CACNA1E: variants seen among roughly 807,000 people sequenced by gnomAD.
CACNA1E encodes calcium voltage-gated channel subunit alpha1 E.
In CACNA1E, 40 loss-of-function variants were observed where a neutral mutation model predicts 259.2. The observed-to-expected ratio is 0.15, with a 90% CI of 0.12 to 0.20. The LOEUF (loss-of-function observed/expected upper bound fraction) is 0.20, where lower values mean the gene tolerates loss of function less well. CACNA1E is among the 10% of genes least tolerant of loss of function. The probability of loss-of-function intolerance (pLI) is 1.00; values close to 1 mark genes in which losing one functional copy is unlikely to be tolerated. For missense variants in CACNA1E, 1,874 were observed against 3,040.1 expected (o/e 0.62, Z 9.02); for synonymous variants, 1,104 against 1,138.5 (o/e 0.97, Z 0.61).
In CACNA1E at chr1:181,758,611, C is replaced by T. The variant is rs187840766; in HGVS notation, c.4495-147C>T. The T allele has an allele frequency of 9.1e-5, 51 of 558,142 alleles. No homozygotes were observed. Among genetic ancestry groups the T allele is most frequent in the African/African-American group, 8.1e-4 (43 of 52,898 alleles). The allele number at this position is 558,142 out of a possible 1,614,324, so 34.6% of individuals were successfully genotyped here. A position where few individuals can be genotyped will look rare whatever the true frequency, so the allele number is the denominator to read the frequency against. ...GGGTAGAATATGTGGTTCTCCTCTC[C>T]AGCACTCGAAGTCCATCTCTCCTCC... On this transcript the variant is annotated intron_variant, in intron 31 of 47. Transcript: ENST00000367573. The surrounding 1 kb of genome is among the most constrained non-coding windows in gnomAD (Gnocchi z 4.2).
intron 6 of CACNA1E, among the ~76,000 whole-genome samples, chr1:181,599,235 G>T (rs544445621): frequency 6.6e-6 from 1 of 152,066 alleles, no homozygotes; most frequent in African/African-American, 2.4e-5. Flanking sequence ...CCGTTCTTGT[G>T]TTAGTTTGCT....
chr1:181,643,253 C>T (rs199956), intron 6 of CACNA1E, among the ~76,000 whole-genome samples: 116,087 of 152,090 alleles, frequency 0.76, 45,356 homozygotes, highest in East Asian at 0.95. Flanking sequence ...TTAGAGGATC[C>T]GGCATCTCCC....
intron 2 of CACNA1E, among the ~76,000 whole-genome samples, chr1:181,416,592 CT>C (rs1389454203): frequency 1.3e-5 from 2 of 152,184 alleles, no homozygotes; most frequent in Admixed American, 6.5e-5. Context: ...CCCCTTCACT[CT>C]CTTATTTCTG....
intron 1 of CACNA1E, among the ~76,000 whole-genome samples, chr1:181,375,447 G>A (rs914647740): frequency 2.0e-5 from 3 of 152,206 alleles, no homozygotes; most frequent in Non-Finnish European, 4.4e-5. Context: ...ATCTGATAGA[G>A]TCTGCTAAGA....
chr1:181,398,424 C>T (rs1458605441), intron 1 of CACNA1E, among the ~76,000 whole-genome samples: 2 of 152,216 alleles, frequency 1.3e-5, no homozygotes, highest in Non-Finnish European at 2.9e-5. Context: ...ATTTAACCCT[C>T]ATAATAAATC....
At chr1:181,464,409 G>A (rs1318479866) in intron 2 of CACNA1E, among the ~76,000 whole-genome samples, 1 of 151,752 alleles carries the variant, frequency 6.6e-6, no homozygotes, top group Non-Finnish European at 1.5e-5. Flanking sequence ...TCCCTCAAGA[G>A]AGTTGAAAAT....
In CACNA1E at chr1:181,381,713, A is replaced by G. The variant is rs147890123; in HGVS notation, c.-14-31420A>G. ...TATATGCTGTACAATACTATAGAAT[A>G]GTTAGTTATTAATTCTATACAAGGA... On this transcript the variant is annotated intron_variant, in intron 1 of 11. Coordinates refer to the CACNA1E transcript ENST00000524607. 4.2e-3 allele frequency among the ~76,000 whole-genome samples: 637 copies of G among 152,336 alleles called. 7 individuals are homozygous for G. Among genetic ancestry groups the G allele is most frequent in the African/African-American group, 0.013 (552 of 41,582 alleles).
chr1:181,646,852 C>A (rs1392985247), intron 6 of CACNA1E, among the ~76,000 whole-genome samples: 8 of 152,240 alleles, frequency 5.3e-5, no homozygotes, highest in African/African-American at 4.8e-5. Context: ...GAGCTCACCA[C>A]CCCCATCAGT....
At chr1:181,669,377 G>A (rs1371647720) in intron 7 of CACNA1E, among the ~76,000 whole-genome samples, 1 of 152,080 alleles carries the variant, frequency 6.6e-6, no homozygotes, top group Non-Finnish European at 1.5e-5. Flanking sequence ...ACTGTTCCCG[G>A]ATTTCCCAGG....
chr1:181,796,617 T>C, intron 46 of CACNA1E, 51 bp from the exon 47 acceptor site: 1 of 1,354,202 alleles, frequency 7.4e-7, no homozygotes, highest in Non-Finnish European at 1.0e-6. Flanking sequence ...TTCATCATCA[T>C]TGGTCAGAGT....
chr1:181,797,289 G>T (rs764589129), intron 47 of CACNA1E, among the ~76,000 whole-genome samples: 1 of 152,142 alleles, frequency 6.6e-6, no homozygotes, highest in South Asian at 2.1e-4. Context: ...GCTTGCAGCC[G>T]TCCCAGCAAG....
At chr1:181,656,321 C>A (rs1319881594) in intron 7 of CACNA1E, among the ~76,000 whole-genome samples, 1 of 152,052 alleles carries the variant, frequency 6.6e-6, no homozygotes, top group African/African-American at 2.4e-5. Flanking sequence ...AGGTGGAAGA[C>A]AGTGATATTG....
chr1:181,639,005 G>A lies in CACNA1E; in HGVS notation c.952-12333G>A, dbSNP rs72733144. On this transcript the variant is annotated intron_variant, in intron 6 of 47. Coordinates refer to ENST00000367573, the MANE Select transcript of CACNA1E (RefSeq NM_001205293.3). Reference sequence around the variant, plus strand: ...AATACAGTTTGTTACATGTACAATTGCAATAGCACCTCTCTTGCATGTGGT... The same window carrying A: ...AATACAGTTTGTTACATGTACAATTACAATAGCACCTCTCTTGCATGTGGT... Among the ~76,000 whole-genome samples the A allele has an allele frequency of 8.0e-4, 122 of 152,180 alleles. 1 individual carries two copies. Among genetic ancestry groups the A allele is most frequent in the Non-Finnish European group, 1.4e-3 (98 of 68,000 alleles).
At chr1:181,519,177 C>G (rs1244232425) in intron 3 of CACNA1E, among the ~76,000 whole-genome samples, 1 of 152,116 alleles carries the variant, frequency 6.6e-6, no homozygotes, top group Non-Finnish European at 1.5e-5. Context: ...GGCATAAATG[C>G]GAACTCTATA....
intron 3 of CACNA1E, among the ~76,000 whole-genome samples, chr1:181,570,476 T>C (rs1188253757): frequency 1.3e-5 from 2 of 152,248 alleles, no homozygotes; most frequent in Admixed American, 6.5e-5. Flanking sequence ...CTGTAACAAA[T>C]GACCACAAAT....
At chr1:181,705,489 T>C (rs1652705037) in intron 7 of CACNA1E, among the ~76,000 whole-genome samples, 2 of 152,350 alleles carry the variant, frequency 1.3e-5, no homozygotes, top group South Asian at 4.1e-4. Flanking sequence ...TTAGTTTCCA[T>C]GACTGAAATT....
chr1:181,793,925 A>T (rs978514286), intron 45 of CACNA1E, 132 bp downstream of exon 45: 7 of 978,936 alleles, frequency 7.2e-6, no homozygotes, highest in Non-Finnish European at 1.0e-5. Context: ...AACCTGGCTC[A>T]TGGGTCGTCT....
intron 1 of CACNA1E, among the ~76,000 whole-genome samples, chr1:181,504,472 C>T (rs1258152689): frequency 6.6e-6 from 1 of 152,204 alleles, no homozygotes; most frequent in African/African-American, 2.4e-5. Flanking sequence ...TCAGGATGAG[C>T]CCCCTGGTGG....
rs116901520 is a variant in CACNA1E, at chr1:181,731,395, G to T, written c.2297+164G>T. The stretch of plus-strand genomic sequence containing the variant: ...CACATGATCTGTGGATATGCCCTCT[G>T]CACCTCTCAACATTTGCTTATATCA... On this transcript the variant is annotated intron_variant, in intron 19 of 47. Transcript: ENST00000367573. Among the ~76,000 whole-genome samples, 65 of 152,278 alleles carry T rather than the reference G, an allele frequency of 4.3e-4. No individual in the cohort carries two copies. In the East Asian group the frequency reaches 0.012, roughly 27 times the overall value.
Sources: allele counts gnomAD v4.1 joint callset (sites outside exome capture counted in the v4.1 genomes callset), GRCh38; gene constraint gnomAD v4.1.1; non-coding constraint Gnocchi (gnomAD v3.1); transcripts MANE v1.5; gene names NCBI Gene and HGNC (gene_info 2026-07-23, HGNC 2026-07-21).